RAPGEF5: variants seen among roughly 807,000 people sequenced by gnomAD.
The protein encoded by RAPGEF5 is Rap guanine nucleotide exchange factor 5.
A neutral mutation model predicts 125.2 loss-of-function variants in RAPGEF5; 65 were observed. The observed-to-expected ratio is 0.52, with a 90% CI of 0.43 to 0.64. RAPGEF5 has a LOEUF of 0.64. Ranked by LOEUF, RAPGEF5 falls within the 30% of genes least tolerant of loss-of-function variation. RAPGEF5 has a pLI of 0.00. For synonymous variants in RAPGEF5, 391 were observed against 385.9 expected, an observed-to-expected ratio of 1.01 and a Z score of -0.16; for missense variants, 958 against 1,048.1, an observed-to-expected ratio of 0.91 and a Z score of 1.19.
intron 9 of RAPGEF5, among the ~76,000 whole-genome samples, chr7:22,210,172 G>A (rs1026349310): frequency 3.3e-5 from 5 of 152,140 alleles, no homozygotes; most frequent in African/African-American, 7.2e-5. Context: ...GACTGATGGT[G>A]AAAAATAATG....
At chr7:22,191,440 G>A (rs942851730) in intron 11 of RAPGEF5, 3 of 397,930 alleles carry the variant, frequency 7.5e-6, no homozygotes, top group African/African-American at 6.3e-5. Context: ...CCACTCAGAT[G>A]TCTCTGCAAA....
At chr7:22,239,931 G>A (rs989886485) in intron 7 of RAPGEF5, among the ~76,000 whole-genome samples, 8 of 151,196 alleles carry the variant, frequency 5.3e-5, no homozygotes, top group Admixed American at 2.6e-4. Flanking sequence ...TTTTTTGGCC[G>A]GGTGTGGTGG....
chr7:22,152,681 CA>C lies in RAPGEF5; in HGVS notation c.1786+1773del, dbSNP rs920713467. On this transcript the variant is annotated intron_variant, in intron 17 of 25. Coordinates refer to ENST00000665637, the MANE Select transcript of RAPGEF5 (RefSeq NM_012294.5). ...TGATATCTTAAAACTTTTTTTTTGACAAAAACAAAGAAAAAACTCACCATTT... is the reference window on the plus strand; with the variant it reads ...TGATATCTTAAAACTTTTTTTTTGACAAAACAAAGAAAAAACTCACCATTT... 2.0e-4 allele frequency among the ~76,000 whole-genome samples: 31 copies of C among 151,590 alleles called. 1 individual carries two copies. The Middle Eastern group carries it at 0.01, about 50-fold the overall frequency.
intron 7 of RAPGEF5, among the ~76,000 whole-genome samples, chr7:22,252,376 C>G (rs1786645457): frequency 6.6e-6 from 1 of 152,328 alleles, no homozygotes; most frequent in Admixed American, 6.5e-5. Flanking sequence ...AAGTGTTACA[C>G]AGCTTGACTG....
intron 1 of RAPGEF5, among the ~76,000 whole-genome samples, chr7:22,318,563 A>T (rs1363992436): frequency 6.6e-6 from 1 of 152,144 alleles, no homozygotes; most frequent in East Asian, 1.9e-4. Context: ...AGCTCACCAC[A>T]GTCTGCCTCC....
chr7:22,161,537 A>AACACACACACACACACACACAC (rs369030719), intron 13 of RAPGEF5, among the ~76,000 whole-genome samples: 56 of 136,120 alleles, frequency 4.1e-4, no homozygotes, highest in African/African-American at 1.3e-3. Context: ...ACCCTGTCTC[A>AACACACACACACACACACACAC]ACACACACAC....
chr7:22,343,146 C>T (rs1286589676), intron 1 of RAPGEF5, among the ~76,000 whole-genome samples: 1 of 152,214 alleles, frequency 6.6e-6, no homozygotes, highest in Non-Finnish European at 1.5e-5. Context: ...AAATGCACGT[C>T]TCACATGGTG....
intron 7 of RAPGEF5, among the ~76,000 whole-genome samples, chr7:22,241,959 G>A (rs1190722457): frequency 3.3e-5 from 5 of 152,046 alleles, no homozygotes; most frequent in Non-Finnish European, 5.9e-5. Flanking sequence ...TCTCTCCTGC[G>A]ATGCTAAGTT....
At chr7:22,130,990 A>G in intron 24 of RAPGEF5, 47 bp downstream of exon 24, 1 of 1,532,372 alleles carries the variant, frequency 6.5e-7, no homozygotes, top group Non-Finnish European at 8.8e-7. Context: ...AGAAAGGCAT[A>G]CATTTCTGTT....
At chr7:22,138,982 C>T (rs993874116) in intron 21 of RAPGEF5, among the ~76,000 whole-genome samples, 3 of 152,170 alleles carry the variant, frequency 2.0e-5, no homozygotes, top group African/African-American at 7.2e-5. Flanking sequence ...GCAGGCGGGG[C>T]TTTCATTTCT....
chr7:22,350,746 G>A (rs1217229179), intron 1 of RAPGEF5, among the ~76,000 whole-genome samples: 1 of 152,168 alleles, frequency 6.6e-6, no homozygotes, highest in Non-Finnish European at 1.5e-5. Context: ...GAGTTCCTTT[G>A]CTAGAATTCA....
intron 7 of RAPGEF5, among the ~76,000 whole-genome samples, chr7:22,240,062 T>G (rs1021402583): frequency 6.6e-6 from 1 of 151,754 alleles, no homozygotes; most frequent in South Asian, 2.1e-4. Flanking sequence ...TACAAAAAAT[T>G]AGCCAGGAGT....
intron 8 of RAPGEF5, among the ~76,000 whole-genome samples, chr7:22,230,300 G>T (rs1786025594): frequency 6.6e-6 from 1 of 152,182 alleles, no homozygotes; most frequent in Non-Finnish European, 1.5e-5. Flanking sequence ...AAGTTAATGT[G>T]ATTCTTCTGA....
intron 6 of RAPGEF5, among the ~76,000 whole-genome samples, chr7:22,277,336 C>T (rs1348838131): frequency 6.6e-6 from 1 of 152,196 alleles, no homozygotes; most frequent in Admixed American, 6.5e-5. Flanking sequence ...GGTTCAAATT[C>T]AAATTCAAAT....
chr7:22,160,385 AAAAGC>A, intron 14 of RAPGEF5, 128 bp downstream of exon 14: 4 of 779,430 alleles, frequency 5.1e-6, no homozygotes, highest in East Asian at 2.9e-5. Context: ...TTACTACTAG[AAAAGC>A]TAAGGCATCA....
intron 9 of RAPGEF5, among the ~76,000 whole-genome samples, chr7:22,204,803 G>A (rs866883608): frequency 6.6e-6 from 1 of 152,192 alleles, no homozygotes; most frequent in African/African-American, 2.4e-5. Context: ...ATTAAAAATA[G>A]GTTAAGAGAA....
At chr7:22,232,207 T>C (rs1229281410) in intron 7 of RAPGEF5, among the ~76,000 whole-genome samples, 2 of 152,206 alleles carry the variant, frequency 1.3e-5, no homozygotes, top group African/African-American at 4.8e-5. Context: ...CATCATGCCA[T>C]TTATGCTTTT....
chr7:22,262,178 C>A (rs1782171262), intron 7 of RAPGEF5, among the ~76,000 whole-genome samples: 1 of 151,828 alleles, frequency 6.6e-6, no homozygotes, highest in Non-Finnish European at 1.5e-5. Context: ...GGACTACTAC[C>A]TAGAATACAT....
chr7:22,210,776 C>T (rs1044481951), intron 9 of RAPGEF5, among the ~76,000 whole-genome samples: 5 of 152,092 alleles, frequency 3.3e-5, no homozygotes, highest in African/African-American at 4.8e-5. Context: ...AATGAACATA[C>T]ATGCCACATC....
Sources: allele counts gnomAD v4.1 joint callset (sites outside exome capture counted in the v4.1 genomes callset), GRCh38; gene constraint gnomAD v4.1.1; transcripts MANE v1.5; gene names NCBI Gene and HGNC (gene_info 2026-07-23, HGNC 2026-07-21).